MAF: variants seen among roughly 807,000 people sequenced by gnomAD.
MAF encodes transcription factor Maf.
Under a neutral mutation model 22.0 loss-of-function variants are expected in MAF, and 10 were observed. That is an observed-to-expected ratio of 0.45 (90% confidence interval 0.28 to 0.77). The LOEUF is 0.77. MAF is among the 30% of genes least tolerant of loss of function. The pLI, the probability that MAF is intolerant of heterozygous loss-of-function variation, is 0.12. For synonymous variants in MAF, 337 were observed against 255.8 expected (o/e 1.32, Z -3.03); for missense variants, 544 against 548.4 (o/e 0.99, Z 0.08).
chr16:79,507,328 G>A, the MAF span, among the ~76,000 whole-genome samples: 3 of 151,232 alleles, frequency 2.0e-5, no homozygotes, highest in Non-Finnish European at 4.4e-5. Flanking sequence ...GTGTCAGCGA[G>A]GATGGTCTTG....
the MAF span, among the ~76,000 whole-genome samples, chr16:79,445,312 G>A: frequency 6.6e-6 from 1 of 152,088 alleles, no homozygotes; most frequent in Admixed American, 6.5e-5. Flanking sequence ...CAAAGTGCTG[G>A]GATTACAGGC....
chr16:79,465,454 G>A, the MAF span, among the ~76,000 whole-genome samples: 2 of 152,092 alleles, frequency 1.3e-5, no homozygotes, highest in Non-Finnish European at 2.9e-5. Flanking sequence ...TTAATTGGGT[G>A]TGGTGATGTG....
At chr16:79,393,861 G>C in the MAF span, among the ~76,000 whole-genome samples, 1 of 152,176 alleles carries the variant, frequency 6.6e-6, no homozygotes, top group East Asian at 1.9e-4. Flanking sequence ...AAAGCAAGAA[G>C]CAAACAGAAG....
the MAF span, among the ~76,000 whole-genome samples, chr16:79,552,245 G>C: frequency 6.6e-6 from 1 of 151,216 alleles, no homozygotes. Flanking sequence ...TCAGTGTCTT[G>C]CTGTGTCACC....
At chr16:79,495,948 A>G in the MAF span, among the ~76,000 whole-genome samples, 1 of 152,194 alleles carries the variant, frequency 6.6e-6, no homozygotes, top group African/African-American at 2.4e-5. Context: ...CAAAATAATT[A>G]AAATAAATGG....
the MAF span, among the ~76,000 whole-genome samples, chr16:79,334,265 C>T: frequency 2.2e-4 from 34 of 152,290 alleles, no homozygotes; most frequent in Admixed American, 9.1e-4. Context: ...TGCACAGCGA[C>T]GGCAAAGAAG....
At chr16:79,395,346 G>C in the MAF span, among the ~76,000 whole-genome samples, 72 of 152,206 alleles carry the variant, frequency 4.7e-4, no homozygotes, top group Non-Finnish European at 8.8e-4. Flanking sequence ...GGTTTGCTAA[G>C]ATGGAAGATA....
At chr16:79,233,059 C>G in the MAF span, among the ~76,000 whole-genome samples, 2 of 151,834 alleles carry the variant, frequency 1.3e-5, no homozygotes, top group South Asian at 2.1e-4. Flanking sequence ...CCAGGATGGT[C>G]TCGATCTCCT....
chr16:79,500,794 G>T, the MAF span, among the ~76,000 whole-genome samples: 5 of 152,056 alleles, frequency 3.3e-5, no homozygotes, highest in Non-Finnish European at 5.9e-5. Context: ...GGAAACTTTG[G>T]GACTCATGGA....
the MAF span, among the ~76,000 whole-genome samples, chr16:79,282,633 T>C: frequency 2.6e-5 from 4 of 152,306 alleles, no homozygotes; most frequent in East Asian, 7.7e-4. Context: ...GAAGACCTTT[T>C]AGATTAGGAA....
At chr16:79,268,617 CA>C in the MAF span, among the ~76,000 whole-genome samples, 1 of 152,138 alleles carries the variant, frequency 6.6e-6, no homozygotes, top group Admixed American at 6.5e-5. Flanking sequence ...AAGGAAGAAA[CA>C]ATGGCATTTC....
chr16:79,362,614 G>A, the MAF span, among the ~76,000 whole-genome samples: 18 of 152,192 alleles, frequency 1.2e-4, no homozygotes, highest in Non-Finnish European at 1.0e-4. Flanking sequence ...CAGTGAAAAC[G>A]GAATATTCTG....
chr16:79,359,752 A>G, the MAF span, among the ~76,000 whole-genome samples: 3 of 152,206 alleles, frequency 2.0e-5, no homozygotes, highest in Non-Finnish European at 4.4e-5. Context: ...AGTGCAGAGT[A>G]GGACCACACC....
the MAF span, among the ~76,000 whole-genome samples, chr16:79,407,664 T>C: frequency 6.6e-6 from 1 of 152,102 alleles, no homozygotes; most frequent in South Asian, 2.1e-4. Flanking sequence ...ATATCACTCA[T>C]TTTTTTCTTC....
At chr16:79,401,246 A>G in the MAF span, among the ~76,000 whole-genome samples, 1 of 152,234 alleles carries the variant, frequency 6.6e-6, no homozygotes, top group Admixed American at 6.5e-5. Context: ...TTCACTCCCC[A>G]AACTACCTGT....
At chr16:79,484,011 G>A in the MAF span, among the ~76,000 whole-genome samples, 3 of 152,094 alleles carry the variant, frequency 2.0e-5, no homozygotes, top group African/African-American at 4.8e-5. Flanking sequence ...ATGGAGTGAG[G>A]GCAAGGGATC....
At chr16:79,444,744 G>A in the MAF span, among the ~76,000 whole-genome samples, 1 of 152,304 alleles carries the variant, frequency 6.6e-6, no homozygotes. Context: ...ACAGAATGCT[G>A]CTTTGAAGGA....
At chr16:79,476,085 G>A in the MAF span, among the ~76,000 whole-genome samples, 2 of 152,264 alleles carry the variant, frequency 1.3e-5, no homozygotes, top group East Asian at 1.9e-4. Context: ...AAGCTTCCCC[G>A]AACTCTGAGA....
At chr16:79,528,787 G>A in the MAF span, among the ~76,000 whole-genome samples, 1 of 152,124 alleles carries the variant, frequency 6.6e-6, no homozygotes, top group Non-Finnish European at 1.5e-5. Context: ...AAATGAAATT[G>A]GCTGTCTTTG....
Sources: gnomAD v4.1 joint callset for allele counts (sites outside exome capture counted in the v4.1 genomes callset) on GRCh38, gnomAD v4.1.1 for gene constraint, MANE v1.5 for transcripts, NCBI Gene and HGNC (gene_info 2026-07-23, HGNC 2026-07-21) for gene names.